Variants in ZNF512B observed in about 807,000 individuals in gnomAD.
ZNF512B encodes the protein zinc finger protein 512B.
A neutral mutation model predicts 87.8 loss-of-function variants in ZNF512B; 22 were observed. The ratio of observed to expected loss-of-function variants is 0.25; its 90% CI spans 0.18 to 0.36. The LOEUF (loss-of-function observed/expected upper bound fraction) is 0.36, where lower values mean the gene tolerates loss of function less well. ZNF512B is among the 10% of genes least tolerant of loss of function. ZNF512B has a pLI of 1.00. For synonymous variants in ZNF512B, 524 were observed against 490.9 expected (o/e 1.07, Z -0.89); for missense variants, 1,060 against 1,231.6 (o/e 0.86, Z 2.09).
At position 63,963,603 on chromosome 20, in the gene ZNF512B, G is replaced by T; in HGVS notation, c.1698+15C>A. 1 of 1,612,968 alleles carries T rather than the reference G, an allele frequency of 6.2e-7. No homozygotes were observed. ...CAGAGGTCACGCTGGACGGGAGCTG[G>T]GGGCCCGACGGTACCTTGGCACTGT... On this transcript the variant is annotated intron_variant, in intron 10 of 16. Coordinates refer to ENST00000369888, the MANE Select transcript of ZNF512B (RefSeq NM_020713.3).
intron 2 of ZNF512B, 54 bp from the exon 3 acceptor site, chr20:63,967,577 G>A (rs927741285): frequency 1.5e-4 from 237 of 1,533,728 alleles, no homozygotes; most frequent in Middle Eastern, 8.7e-4. Context: ...GCCTACCACC[G>A]GCGGCTGCAC....
In ZNF512B at chr20:63,957,794, G is replaced by A. The variant is rs2058778065; in HGVS notation, c.*2094C>T. On this transcript the variant is annotated 3_prime_UTR_variant, in exon 17 of 17. Transcript: ENST00000369888. The stretch of plus-strand genomic sequence containing the variant: ...CCGCCATTGGTGGCAAGGACAAAGT[G>A]CACCTAGGCCCCCGCCCAGTGCCTG... 1 of 152,204 alleles carries A rather than the reference G, an allele frequency of 6.6e-6. No individual in the cohort carries two copies. Among genetic ancestry groups the A allele is most frequent in the Non-Finnish European group, 1.5e-5 (1 of 68,090 alleles). 9.4% of individuals were successfully genotyped at this position (152,204 alleles called of 1,614,324 possible).
Position 63,966,424 on chromosome 20 carries a change from C to T in ZNF512B, c.751G>A (p.Ala251Thr). 1 of 1,613,472 alleles carries T rather than the reference C, an allele frequency of 6.2e-7. No homozygotes were observed. Residue 251 changes from alanine (A) to threonine (T), a missense_variant, in exon 5 of 17, where the codon GCC becomes ACC. Transcript: ENST00000369888. The part of the protein sequence containing the change: ...TVSRPMPVTK[A>T]MPVTKPITVT... Reference sequence around the variant, plus strand: ...GTGATGGGTTTGGTGACCGGCATGGCCTTGGTGACGGGCATGGGCCTGCTG... The same window carrying T: ...GTGATGGGTTTGGTGACCGGCATGGTCTTGGTGACGGGCATGGGCCTGCTG...
intron 13 of ZNF512B, 44 bp from the exon 14 acceptor site, chr20:63,962,418 AC>A: frequency 1.3e-6 from 2 of 1,577,500 alleles, no homozygotes. Context: ...GCCAGAAGAC[AC>A]CCCAGCTGCT....
chr20:63,960,528 CA>C (rs2058839352), intron 16 of ZNF512B, among the ~76,000 whole-genome samples: 8 of 122,514 alleles, frequency 6.5e-5, no homozygotes, highest in Non-Finnish European at 1.0e-4. Flanking sequence ...ACACAGCCTT[CA>C]GGACCAGGCA....
At chr20:63,967,996 T>C (rs1480062984) in intron 1 of ZNF512B, 44 bp from the exon 2 acceptor site, 4 of 1,576,498 alleles carry the variant, frequency 2.5e-6, no homozygotes, top group Non-Finnish European at 3.5e-6. Context: ...CGGGCCCCAC[T>C]TGGAACACGT....
rs2058737395 is a variant in ZNF512B, at chr20:63,957,088, G to C, written c.*2800C>G. Reference sequence around the variant, plus strand: ...TGGGGCCCCGCCAAACGCGGCACACGGGGACGGCCCCTCCCGGGGTCAGGC... The same window carrying C: ...TGGGGCCCCGCCAAACGCGGCACACCGGGACGGCCCCTCCCGGGGTCAGGC... On this transcript the variant is annotated 3_prime_UTR_variant, in exon 17 of 17. Coordinates refer to ENST00000369888, the MANE Select transcript of ZNF512B (RefSeq NM_020713.3). 6.6e-6 allele frequency: 1 copy of C among 152,474 alleles called. No individual in the cohort carries two copies. The allele number at this position is 152,474 out of a possible 1,614,324, so 9.4% of individuals were successfully genotyped here. A position where few individuals can be genotyped will look rare whatever the true frequency, so the allele number is the denominator to read the frequency against.
At chr20:63,960,212 C>G (rs2058834628) in intron 16 of ZNF512B, 73 bp from the exon 17 acceptor site, 1 of 1,578,290 alleles carries the variant, frequency 6.3e-7, no homozygotes, top group Non-Finnish European at 8.6e-7. Context: ...AGCCTGAGAG[C>G]TGAAGACCTG....
chr20:63,964,313 G>T lies in ZNF512B; in HGVS notation c.1333+7C>A, dbSNP rs1342618083. ...CCCTGGAGGTGCACACCGGGCTGGG[G>T]TCTTACCTTTGAGCCCAAAGGTCCC... On this transcript the variant is annotated splice_region_variant and intron_variant, in intron 7 of 16. Transcript: ENST00000369888. The T allele has an allele frequency of 1.9e-6, 3 of 1,613,906 alleles. No homozygotes were observed. The highest frequency in any genetic ancestry group is 4.5e-5 in the East Asian group (2 of 44,878).
At chr20:63,969,340 C>G (rs1490529524) in intron 1 of ZNF512B, among the ~76,000 whole-genome samples, 1 of 152,218 alleles carries the variant, frequency 6.6e-6, no homozygotes, top group Admixed American at 6.5e-5. Context: ...TTCGGCCCTC[C>G]CGAGCCCAGC....
Position 63,958,839 on chromosome 20 carries a change from A to G in ZNF512B, c.*1049T>C, listed in dbSNP as rs1041569597. The G allele has an allele frequency of 6.6e-6, 1 of 152,496 alleles. No individual in the cohort carries two copies. Among genetic ancestry groups the G allele is most frequent in the Non-Finnish European group, 1.5e-5 (1 of 68,290 alleles). 9.4% of individuals were successfully genotyped at this position (152,496 alleles called of 1,614,324 possible). ...CCAGAAACAATGGGGGCAGGTTAAAAAAAAAAGTGGGGAGGGGGCTCCCAT... is the reference window on the plus strand; with the variant it reads ...CCAGAAACAATGGGGGCAGGTTAAAGAAAAAAGTGGGGAGGGGGCTCCCAT... On this transcript the variant is annotated 3_prime_UTR_variant, in exon 17 of 17. Coordinates refer to ENST00000369888, the MANE Select transcript of ZNF512B (RefSeq NM_020713.3).
In ZNF512B at chr20:63,962,695, C is replaced by A; in HGVS notation, c.2055G>T (p.Thr685=). Residue 685 remains threonine (T), a synonymous_variant, in exon 13 of 17, where the codon ACG becomes ACT. Coordinates refer to ENST00000369888, the MANE Select transcript of ZNF512B (RefSeq NM_020713.3). ...ERTPSGRVRR[T]SAQVAVFHLQ... ...GGTGGAACACCGCCACCTGGGCCGA[C>A]GTGCGGCGGACACGCCCGCTTGGGG... 6.2e-7 allele frequency: 1 copy of A among 1,603,130 alleles called. No homozygotes were observed. Among genetic ancestry groups the A allele is most frequent in the Non-Finnish European group, 8.5e-7 (1 of 1,176,378 alleles).
chr20:63,969,433 C>T (rs996809341), intron 1 of ZNF512B, among the ~76,000 whole-genome samples: 2 of 151,590 alleles, frequency 1.3e-5, no homozygotes, highest in African/African-American at 4.8e-5. Context: ...CCGCGTAGGC[C>T]GTTCGGCCCG....
Position 63,960,089 on chromosome 20 carries a change from G to A in ZNF512B, c.2478C>T (p.Asp826=), listed in dbSNP as rs748409834. Residue 826 remains aspartate, a synonymous_variant, in exon 17 of 17, where the codon GAC becomes GAT. Coordinates refer to ENST00000369888, the MANE Select transcript of ZNF512B (RefSeq NM_020713.3). Reference sequence around the variant, plus strand: ...TCTTTTCCTTCTTGGGCACCAATGAGTCCTGGCTCCTGTGTTTGGGAGGTG... The same window carrying A: ...TCTTTTCCTTCTTGGGCACCAATGAATCCTGGCTCCTGTGTTTGGGAGGTG... ...ADPPPKHRSQ[D]SLVPKKEKKK... 1 of 1,613,986 alleles carries A rather than the reference G, an allele frequency of 6.2e-7. No homozygotes were observed. Among genetic ancestry groups the A allele is most frequent in the Admixed American group, 1.7e-5 (1 of 60,024 alleles).
intron 16 of ZNF512B, among the ~76,000 whole-genome samples, chr20:63,960,517 G>C (rs1377962731): frequency 2.3e-5 from 3 of 129,270 alleles, no homozygotes; most frequent in Non-Finnish European, 3.3e-5. Context: ...CGCAGGGCTG[G>C]ACACAGCCTT....
At chr20:63,967,618 C>T (rs1044010553) in intron 2 of ZNF512B, 95 bp from the exon 3 acceptor site, 213 of 1,499,492 alleles carry the variant, frequency 1.4e-4, no homozygotes, top group Non-Finnish European at 1.8e-4. Flanking sequence ...TGTCCCAACA[C>T]GAGGGCACCG....
rs1264684935 is a variant in ZNF512B at position 63,958,774 on chromosome 20, C to G, written c.*1114G>C. 1 of 152,366 alleles carries G rather than the reference C, an allele frequency of 6.6e-6. No individual in the cohort carries two copies. Among genetic ancestry groups the G allele is most frequent in the African/African-American group, 2.4e-5 (1 of 41,450 alleles). The allele number at this position is 152,366 out of a possible 1,614,324, so 9.4% of individuals were successfully genotyped here. A position where few individuals can be genotyped will look rare whatever the true frequency, so the allele number is the denominator to read the frequency against. ...GCTGTGACTTTGGCCAAGCCCCTCCCCTGGCTGGCCTTCAGTTCCCATATC... is the reference window on the plus strand; with the variant it reads ...GCTGTGACTTTGGCCAAGCCCCTCCGCTGGCTGGCCTTCAGTTCCCATATC... On this transcript the variant is annotated 3_prime_UTR_variant, in exon 17 of 17. Coordinates refer to ENST00000369888, the MANE Select transcript of ZNF512B (RefSeq NM_020713.3).
chr20:63,961,834 G>T lies in ZNF512B; in HGVS notation c.2328+108C>A. On this transcript the variant is annotated intron_variant, in intron 15 of 16. Coordinates refer to ENST00000369888, the MANE Select transcript of ZNF512B (RefSeq NM_020713.3). This position sits in a 1 kb window ranked among gnomAD's most constrained non-coding sequence, Gnocchi z 6.4. ...TGGAAGAGGAGGCCACGTAGAAAAAGTAGGGGACAAGGCAGGGTCCCTCAC... is the reference window on the plus strand; with the variant it reads ...TGGAAGAGGAGGCCACGTAGAAAAATTAGGGGACAAGGCAGGGTCCCTCAC... 2.5e-6 allele frequency: 3 copies of T among 1,198,430 alleles called. No individual in the cohort carries two copies. Among genetic ancestry groups the T allele is most frequent in the Non-Finnish European group, 3.6e-6 (3 of 839,388 alleles). The allele number at this position is 1,198,430 out of a possible 1,614,324, so 74.2% of individuals were successfully genotyped here. A position where few individuals can be genotyped will look rare whatever the true frequency, so the allele number is the denominator to read the frequency against.
chr20:63,962,818 G>A (rs371480860), intron 12 of ZNF512B, 37 bp from the exon 13 acceptor site: 122 of 1,545,240 alleles, frequency 7.9e-5, no homozygotes, highest in Non-Finnish European at 9.9e-5. Context: ...AGAGTGAGCC[G>A]CGGGAGCAAG....
Sources: gnomAD v4.1 joint callset for allele counts (sites outside exome capture counted in the v4.1 genomes callset) on GRCh38, gnomAD v4.1.1 for gene constraint, Gnocchi (gnomAD v3.1) non-coding constraint, MANE v1.5 for transcripts, NCBI Gene and HGNC (gene_info 2026-07-23, HGNC 2026-07-21) for gene names.